Variants in JDP2 observed in about 807,000 individuals in gnomAD.
JDP2 encodes Jun dimerization protein 2, also known as progesterone receptor co-activator.
JDP2 carries 9 observed loss-of-function variants against 17.1 expected under a neutral mutation model. The observed-to-expected ratio is 0.53, with a 90% confidence interval of 0.32 to 0.92. JDP2 has a LOEUF of 0.92. Among genes scored for constraint, JDP2 ranks in the 40% least tolerant of loss-of-function variants. JDP2 has a pLI of 0.04. For synonymous variants in JDP2, 107 were observed against 95.6 expected, an observed-to-expected ratio of 1.12 and a Z score of -0.69; for missense variants, 179 against 220.0, an observed-to-expected ratio of 0.81 and a Z score of 1.18.
chr14:75,446,763 A>G (rs769496534), intron 2 of JDP2, among the ~76,000 whole-genome samples: 2 of 152,360 alleles, frequency 1.3e-5, no homozygotes, highest in South Asian at 2.1e-4. Context: ...TGGATATAAT[A>G]CAAGTTGGTG....
chr14:75,445,114 G>A (rs1277735096), intron 2 of JDP2: 2 of 985,140 alleles, frequency 2.0e-6, no homozygotes, highest in East Asian at 2.3e-4. Context: ...TGGACTCAGA[G>A]TTGGGAAACT....
At chr14:75,448,428 C>A (rs1352184890) in intron 2 of JDP2, among the ~76,000 whole-genome samples, 1 of 152,180 alleles carries the variant, frequency 6.6e-6, no homozygotes, top group East Asian at 1.9e-4. Flanking sequence ...AGCATGTCTC[C>A]ATGGTCACCC....
At chr14:75,469,260 C>T (rs1886705204) in intron 3 of JDP2, 30 bp from the exon 4 acceptor site, 1 of 1,599,068 alleles carries the variant, frequency 6.3e-7, no homozygotes, top group Admixed American at 1.7e-5. Flanking sequence ...CCCCGTGAAA[C>T]TCACAGCGTG....
intron 3 of JDP2, among the ~76,000 whole-genome samples, chr14:75,466,461 T>A (rs1181749034): frequency 3.9e-5 from 6 of 152,150 alleles, no homozygotes; most frequent in Non-Finnish European, 5.9e-5. Context: ...AAGCAGTTAG[T>A]TACATTCTGA....
In JDP2 at chr14:75,469,472, G is replaced by A. The variant is rs1210951611; in HGVS notation, c.489G>A (p.Lys163=). The A allele has an allele frequency of 7.4e-6, 12 of 1,613,092 alleles. No individual in the cohort carries two copies. The highest frequency in any genetic ancestry group is 1.0e-5 in the Non-Finnish European group (12 of 1,179,436). The part of the protein sequence containing the change: ...GNPLLEQLEK[K] Reference sequence around the variant, plus strand: ...CACTGCTCGAGCAGCTCGAGAAGAAGTGACCATGGGCTGGGAGGAGGTGGA... The same window carrying A: ...CACTGCTCGAGCAGCTCGAGAAGAAATGACCATGGGCTGGGAGGAGGTGGA... The change falls in exon 4 of 4, where the codon AAG becomes AAA. Residue 163 remains lysine (K), a synonymous_variant. Coordinates refer to ENST00000651602, the MANE Select transcript of JDP2 (RefSeq NM_001135048.2).
At chr14:75,435,856 C>T (rs1195509875) in intron 1 of JDP2, among the ~76,000 whole-genome samples, 1 of 152,072 alleles carries the variant, frequency 6.6e-6, no homozygotes, top group Non-Finnish European at 1.5e-5. Flanking sequence ...AGGTAGAGCA[C>T]AGTTAGAGGA....
At chr14:75,448,191 C>T (rs1453331318) in intron 2 of JDP2, among the ~76,000 whole-genome samples, 2 of 152,044 alleles carry the variant, frequency 1.3e-5, no homozygotes, top group Admixed American at 6.5e-5. Flanking sequence ...AAATATATAC[C>T]GCCTTAACCT....
At position 75,461,478 on chromosome 14, in the gene JDP2, C is replaced by T. The variant is rs980609198; in HGVS notation, c.254C>T (p.Ala85Val). The change falls in exon 3 of 4, where the codon GCA becomes GTA. Residue 85 changes from alanine (A) to valine (V), a missense_variant. Physicochemically the swap from Ala to Val is moderately conservative, Grantham distance 64. Transcript: ENST00000651602. ...RKRRREKNKV[A>V]AARCRNKKKE... is the part of the protein sequence containing the mutation. ...AGGCGCCGGGAGAAGAACAAAGTCG[C>T]AGCAGCCCGATGCCGGAACAAGAAG... 6.2e-7 allele frequency: 1 copy of T among 1,610,498 alleles called. No individual in the cohort carries two copies. The highest frequency in any genetic ancestry group is 1.3e-5 in the African/African-American group (1 of 74,916).
chr14:75,469,193 TGCCA>T (rs1886700940), intron 3 of JDP2, 93 bp from the exon 4 acceptor site: 1 of 1,147,270 alleles, frequency 8.7e-7, no homozygotes, highest in Non-Finnish European at 1.2e-6. Context: ...AACAGGCCAG[TGCCA>T]GCCCAGCGTG....
rs770849691 is a variant in JDP2 at position 75,469,463 on chromosome 14, C to G, written c.480C>G (p.Leu160=). ...ESEGNPLLEQ[L]EKK ...AAGGCAACCCACTGCTCGAGCAGCTCGAGAAGAAGTGACCATGGGCTGGGA... is the reference window on the plus strand; with the variant it reads ...AAGGCAACCCACTGCTCGAGCAGCTGGAGAAGAAGTGACCATGGGCTGGGA... The change falls in exon 4 of 4, where the codon CTC becomes CTG. Residue 160 remains leucine (L), a synonymous_variant. Coordinates refer to ENST00000651602, the MANE Select transcript of JDP2 (RefSeq NM_001135048.2). 3.7e-6 allele frequency: 6 copies of G among 1,612,702 alleles called. No individual in the cohort carries two copies. The highest frequency in any genetic ancestry group is 5.1e-6 in the Non-Finnish European group (6 of 1,179,448).
intron 1 of JDP2, among the ~76,000 whole-genome samples, chr14:75,433,497 CTG>C (rs1304248460): frequency 3.2e-4 from 47 of 148,094 alleles, no homozygotes; most frequent in Non-Finnish European, 4.4e-5. Flanking sequence ...AGTGTCCTAA[CTG>C]TGTGCCCACA....
chr14:75,464,550 C>A (rs761124959), intron 3 of JDP2, among the ~76,000 whole-genome samples: 1 of 152,192 alleles, frequency 6.6e-6, no homozygotes, highest in Non-Finnish European at 1.5e-5. Context: ...CCAAATAACA[C>A]GCCATTTTAT....
At position 75,428,066 on chromosome 14, in the gene JDP2, G is replaced by T. The variant is rs1430645945; in HGVS notation, c.-210G>T. On this transcript the variant is annotated 5_prime_UTR_variant, in exon 1 of 4. Transcript: ENST00000651602. This position sits in a 1 kb window ranked among gnomAD's most constrained non-coding sequence, Gnocchi z 5.6. ...GGGAGGGACGCTCGGCGGCCGCGAC[G>T]GGGGGCGCTGGCGGCGGCGGACGCT... 4 of 148,954 alleles carry T rather than the reference G, an allele frequency of 2.7e-5. No individual in the cohort carries two copies. Among genetic ancestry groups the T allele is most frequent in the Admixed American group, 1.3e-4 (2 of 14,990 alleles). The allele number at this position is 148,954 out of a possible 1,614,324, so 9.2% of individuals were successfully genotyped here.
chr14:75,431,936 G>A (rs897491535), intron 1 of JDP2, among the ~76,000 whole-genome samples: 1 of 152,234 alleles, frequency 6.6e-6, no homozygotes, highest in Non-Finnish European at 1.5e-5. Context: ...TAATCCTCTT[G>A]ACAGCCATAC....
chr14:75,445,582 A>C (rs963082021), intron 2 of JDP2: 111 of 985,296 alleles, frequency 1.1e-4, no homozygotes, highest in Non-Finnish European at 7.4e-5. Flanking sequence ...AGTTCACTAG[A>C]TGTTTGAAAT....
chr14:75,450,481 G>C (rs1330293540), intron 2 of JDP2, among the ~76,000 whole-genome samples: 4 of 152,180 alleles, frequency 2.6e-5, no homozygotes, highest in African/African-American at 9.7e-5. Flanking sequence ...TTATCCACCC[G>C]TGCCCCCAGC....
At chr14:75,468,058 G>A (rs571095587) in intron 3 of JDP2, among the ~76,000 whole-genome samples, 1 of 152,258 alleles carries the variant, frequency 6.6e-6, no homozygotes, top group African/African-American at 2.4e-5. Context: ...GGACCCCCTG[G>A]GGAGGCCGCT....
intron 3 of JDP2, among the ~76,000 whole-genome samples, chr14:75,468,131 A>G (rs925109682): frequency 1.3e-5 from 2 of 152,172 alleles, no homozygotes; most frequent in Non-Finnish European, 1.5e-5. Flanking sequence ...TGGTTGTCAC[A>G]TACGCAGTTG....
At position 75,471,987 on chromosome 14, in the gene JDP2, G is replaced by C. The variant is rs763842669; in HGVS notation, c.*2512G>C. On this transcript the variant is annotated 3_prime_UTR_variant, in exon 4 of 4. Coordinates refer to ENST00000651602, the MANE Select transcript of JDP2 (RefSeq NM_001135048.2). ...CTGGTCCTGTGCTTGGCCACCGGGA[G>C]CTGGCATCTCCAAAATAGAGCCTCC... 4 of 152,316 alleles carry C rather than the reference G, an allele frequency of 2.6e-5. No individual in the cohort carries two copies. Among genetic ancestry groups the C allele is most frequent in the Non-Finnish European group, 5.9e-5 (4 of 68,130 alleles). 9.4% of individuals were successfully genotyped at this position (152,316 alleles called of 1,614,324 possible).
Sources: gnomAD v4.1 joint callset for allele counts (sites outside exome capture counted in the v4.1 genomes callset) on GRCh38, gnomAD v4.1.1 for gene constraint, Gnocchi (gnomAD v3.1) non-coding constraint, MANE v1.5 for transcripts, NCBI Gene and HGNC (gene_info 2026-07-23, HGNC 2026-07-21) for gene names.